The following RNLS variants were observed in gnomAD, a reference collection of about 807,000 sequenced individuals.
RNLS encodes the protein renalase.
RNLS carries 39 observed loss-of-function variants against 39.8 expected under a neutral mutation model. That is an observed-to-expected ratio of 0.98 (90% CI 0.76 to 1.28). The LOEUF is 1.28. RNLS is among the 50% of genes most tolerant of loss of function. The pLI is 0.00. For missense variants in RNLS, 410 were observed against 413.3 expected (o/e 0.99, Z 0.07); for synonymous variants, 147 against 150.7 (o/e 0.98, Z 0.18).
the RNLS span, among the ~76,000 whole-genome samples, chr10:88,264,943 A>T: frequency 6.6e-6 from 1 of 152,086 alleles, no homozygotes; most frequent in African/African-American, 2.4e-5. Flanking sequence ...TTCCAATGTT[A>T]TCTTCTAGAA....
chr10:88,269,483 C>T (rs1036685495), downstream of RNLS, among the ~76,000 whole-genome samples: 11 of 152,130 alleles, frequency 7.2e-5, no homozygotes, highest in African/African-American at 2.7e-4. Flanking sequence ...AGGTCTGAGC[C>T]GTCATTCTTA....
At chr10:88,386,083 A>G (rs964610196) in intron 4 of RNLS, among the ~76,000 whole-genome samples, 11 of 152,178 alleles carry the variant, frequency 7.2e-5, no homozygotes, top group Admixed American at 5.9e-4. Flanking sequence ...AGGTATTTTT[A>G]GAGCCGTTAC....
At chr10:88,335,282 A>C (rs1045367999) in intron 5 of RNLS, among the ~76,000 whole-genome samples, 1 of 151,450 alleles carries the variant, frequency 6.6e-6, no homozygotes, top group Admixed American at 6.6e-5. Flanking sequence ...CAGTGGCTCA[A>C]TTTTGGCTCA....
chr10:88,581,295 T>C (rs1167999607), intron 3 of RNLS, among the ~76,000 whole-genome samples: 1 of 88,152 alleles, frequency 1.1e-5, no homozygotes, highest in Non-Finnish European at 2.2e-5. Flanking sequence ...TGTGTGTGTG[T>C]ATATATATAT....
intron 4 of RNLS, among the ~76,000 whole-genome samples, chr10:88,455,210 G>C (rs1377628812): frequency 1.3e-5 from 2 of 152,008 alleles, no homozygotes; most frequent in African/African-American, 4.8e-5. Context: ...ATGGCTACAG[G>C]TGTGGATGTA....
intron 5 of RNLS, among the ~76,000 whole-genome samples, chr10:88,333,128 AAAC>A (rs1847233471): frequency 6.6e-6 from 1 of 152,190 alleles, no homozygotes; most frequent in South Asian, 2.1e-4. Flanking sequence ...TTATTAGGCA[AAAC>A]AACAACAAAA....
chr10:88,450,845 C>T (rs1204372202), intron 4 of RNLS, among the ~76,000 whole-genome samples: 1 of 152,142 alleles, frequency 6.6e-6, no homozygotes, highest in South Asian at 2.1e-4. Flanking sequence ...TATCTTTGTA[C>T]ATGAGTTGTG....
intron 4 of RNLS, among the ~76,000 whole-genome samples, chr10:88,541,613 C>G (rs72820080): frequency 3.0e-3 from 459 of 152,256 alleles, no homozygotes; most frequent in Non-Finnish European, 5.5e-3. Flanking sequence ...ATCAGGAAAT[C>G]AGGGTGAAAA....
At chr10:88,277,271 A>G (rs1353887794) in intron 6 of RNLS, among the ~76,000 whole-genome samples, 1 of 152,104 alleles carries the variant, frequency 6.6e-6, no homozygotes, top group Non-Finnish European at 1.5e-5. Context: ...TGGGAATTGA[A>G]CAATAAGAAC....
chr10:88,188,513 G>A, the RNLS span, among the ~76,000 whole-genome samples: 1 of 152,220 alleles, frequency 6.6e-6, no homozygotes, highest in Non-Finnish European at 1.5e-5. Context: ...TTGTCCAACA[G>A]AAATTTTGGG....
intron 6 of RNLS, among the ~76,000 whole-genome samples, chr10:88,313,831 C>T (rs1241030644): frequency 2.0e-5 from 3 of 152,152 alleles, no homozygotes; most frequent in Non-Finnish European, 4.4e-5. Context: ...TCTATGAATA[C>T]TCACTTCCAT....
the RNLS span, among the ~76,000 whole-genome samples, chr10:88,172,967 C>T: frequency 6.7e-6 from 1 of 148,210 alleles, no homozygotes; most frequent in Non-Finnish European, 1.5e-5. Flanking sequence ...TGCCATTCTC[C>T]TGCCTCAGCC....
chr10:88,385,081 C>T (rs1851780381), intron 4 of RNLS, among the ~76,000 whole-genome samples: 1 of 152,156 alleles, frequency 6.6e-6, no homozygotes, highest in Non-Finnish European at 1.5e-5. Flanking sequence ...ATCAAAAGTA[C>T]CTAAGATGAA....
chr10:88,322,525 C>T (rs1361742014), intron 5 of RNLS, among the ~76,000 whole-genome samples: 2 of 152,152 alleles, frequency 1.3e-5, no homozygotes, highest in Admixed American at 1.3e-4. Context: ...TTTGACGGTT[C>T]CTCCTTCACA....
Position 88,581,572 on chromosome 10 carries a change from T to G in RNLS, c.362A>C (p.Glu121Ala). ...ISSIIKHYLK[E>A]SGAEVYFRHR... ...AGAGAAAATCTTACTCCCACCTGAT[T>G]CTTTCAAGTAATGCTTAATAATTGA... The change falls in exon 3 of 7, where the codon GAA (glutamate) becomes GCA (alanine). Residue 121 changes from glutamate (E) to alanine (A), a missense_variant. Glu to Ala is a moderately radical substitution (Grantham distance 107). Coordinates refer to ENST00000331772, the MANE Select transcript of RNLS (RefSeq NM_001031709.3). The G allele has an allele frequency of 6.3e-7, 1 of 1,590,826 alleles. No homozygotes were observed. The highest frequency in any genetic ancestry group is 8.5e-7 in the Non-Finnish European group (1 of 1,171,426).
intron 6 of RNLS, among the ~76,000 whole-genome samples, chr10:88,302,017 GA>G (rs929799720): frequency 2.6e-5 from 4 of 152,232 alleles, no homozygotes; most frequent in Admixed American, 2.6e-4. Flanking sequence ...AATATTAATT[GA>G]TAACTTGCTT....
intron 4 of RNLS, among the ~76,000 whole-genome samples, chr10:88,475,837 G>C (rs1473110778): frequency 6.6e-6 from 1 of 152,044 alleles, no homozygotes; most frequent in East Asian, 1.9e-4. Context: ...AATATTGCAG[G>C]CTGCATTTCA....
At chr10:88,203,904 G>T in the RNLS span, among the ~76,000 whole-genome samples, 2 of 151,846 alleles carry the variant, frequency 1.3e-5, no homozygotes, top group African/African-American at 2.4e-5. Flanking sequence ...ATACTAGCTG[G>T]ATAATAACAG....
the RNLS span, among the ~76,000 whole-genome samples, chr10:88,201,508 C>T: frequency 2.0e-5 from 3 of 152,192 alleles, no homozygotes; most frequent in Admixed American, 2.0e-4. Context: ...TACAGGGGCT[C>T]CAGCAGATAA....
Sources: gnomAD v4.1 joint callset for allele counts (sites outside exome capture counted in the v4.1 genomes callset) on GRCh38, gnomAD v4.1.1 for gene constraint, MANE v1.5 for transcripts, NCBI Gene and HGNC (gene_info 2026-07-23, HGNC 2026-07-21) for gene names.